The following CNTNAP2 variants were observed in gnomAD, a reference collection of about 807,000 sequenced individuals.
CNTNAP2 encodes the protein contactin associated protein 2.
A neutral mutation model predicts 155.2 loss-of-function variants in CNTNAP2; 98 were observed. That is an observed-to-expected ratio of 0.63 (90% CI 0.54 to 0.75). The LOEUF is 0.75. CNTNAP2 is among the 30% of genes least tolerant of loss of function. CNTNAP2 has a pLI of 0.00. For missense variants in CNTNAP2, 1,727 were observed against 1,688.1 expected (o/e 1.02, Z -0.40); for synonymous variants, 651 against 631.2 (o/e 1.03, Z -0.47).
rs149200640 is a variant in CNTNAP2, at chr7:146,831,453, G to A, written c.209-8258G>A. On this transcript the variant is annotated intron_variant, in intron 2 of 23. Coordinates refer to ENST00000361727, the MANE Select transcript of CNTNAP2 (RefSeq NM_014141.6). The stretch of plus-strand genomic sequence containing the variant: ...TGCACTTTGGGAAGCCGAGGTGGGC[G>A]GATCATGAGGTCGAGAGATCGAGAC... 4.5e-3 allele frequency among the ~76,000 whole-genome samples: 682 copies of A among 151,954 alleles called. 3 individuals are homozygous for A. The highest frequency in any genetic ancestry group is 7.5e-3 in the Non-Finnish European group (512 of 67,948).
At chr7:147,533,912 C>A (rs1222692130) in intron 11 of CNTNAP2, among the ~76,000 whole-genome samples, 1 of 152,176 alleles carries the variant, frequency 6.6e-6, no homozygotes, top group Non-Finnish European at 1.5e-5. Context: ...TAGTATTAAA[C>A]CGTTTCATTC....
At chr7:146,748,144 T>C (rs978071895) in intron 1 of CNTNAP2, among the ~76,000 whole-genome samples, 2 of 46,908 alleles carry the variant, frequency 4.3e-5, no homozygotes, top group Non-Finnish European at 6.7e-5. Flanking sequence ...TTTTCTTTTC[T>C]TTTTTTTTTT....
intron 9 of CNTNAP2, among the ~76,000 whole-genome samples, chr7:147,337,513 A>G (rs564614233): frequency 2.6e-5 from 4 of 152,310 alleles, no homozygotes; most frequent in African/African-American, 9.6e-5. Flanking sequence ...CCTGTCCTGC[A>G]GTGCTGTGTG....
chr7:146,509,008 G>A (rs986162237), intron 1 of CNTNAP2, among the ~76,000 whole-genome samples: 7 of 152,124 alleles, frequency 4.6e-5, no homozygotes, highest in Admixed American at 1.3e-4. Flanking sequence ...CCTCATGTAT[G>A]CAGCACCCTG....
In CNTNAP2 at chr7:147,775,285, ATATATATATT is replaced by A. The variant is rs1421429537; in HGVS notation, c.2099-128265_2099-128256del. ...AATATATTTATATATATATTTATAA[ATATATATATT>A]TATATATATTTATAAATATATATAT... On this transcript the variant is annotated intron_variant, in intron 13 of 23. Transcript: ENST00000361727. Among the ~76,000 whole-genome samples, 12 of 53,394 alleles carry A rather than the reference ATATATATATT, an allele frequency of 2.2e-4. No homozygotes were observed. In the East Asian group the frequency reaches 2.3e-3, roughly 10 times the overall value. The allele number at this position is 53,394 out of a possible 152,430, so 35.0% of individuals were successfully genotyped here.
chr7:148,270,803 G>T (rs1796763435), intron 21 of CNTNAP2, among the ~76,000 whole-genome samples: 1 of 152,174 alleles, frequency 6.6e-6, no homozygotes, highest in South Asian at 2.1e-4. Flanking sequence ...TTGTTAGACT[G>T]GAATCCAGTT....
intron 8 of CNTNAP2, among the ~76,000 whole-genome samples, chr7:147,233,930 T>A (rs1376603091): frequency 6.6e-6 from 1 of 151,950 alleles, no homozygotes; most frequent in Non-Finnish European, 1.5e-5. Context: ...TTATTACATC[T>A]CTTTGTAATT....
At chr7:146,628,662 G>C (rs1799460816) in intron 1 of CNTNAP2, among the ~76,000 whole-genome samples, 1 of 151,954 alleles carries the variant, frequency 6.6e-6, no homozygotes, top group Admixed American at 6.6e-5. Flanking sequence ...ATGAACCCTT[G>C]AGCACTTTAG....
At chr7:146,681,932 T>A (rs1800511935) in intron 1 of CNTNAP2, among the ~76,000 whole-genome samples, 1 of 152,108 alleles carries the variant, frequency 6.6e-6, no homozygotes, top group African/African-American at 2.4e-5. Context: ...CACATAGTAT[T>A]TCAGGTTAAT....
intron 3 of CNTNAP2, among the ~76,000 whole-genome samples, chr7:146,937,638 A>G (rs1796947396): frequency 6.6e-6 from 1 of 152,122 alleles, no homozygotes; most frequent in South Asian, 2.1e-4. Context: ...AGTACCTGAC[A>G]CCTGCCCTGG....
intron 9 of CNTNAP2, among the ~76,000 whole-genome samples, chr7:147,357,603 C>T (rs185191371): frequency 6.6e-6 from 1 of 152,182 alleles, no homozygotes; most frequent in East Asian, 1.9e-4. Context: ...TTAATTAGCA[C>T]CTGTTGACTA....
chr7:146,993,937 TA>T (rs1584771659), intron 3 of CNTNAP2, among the ~76,000 whole-genome samples: 1 of 152,282 alleles, frequency 6.6e-6, no homozygotes, highest in East Asian at 1.9e-4. Context: ...TGAACTGCTC[TA>T]AATCAAGTAA....
intron 1 of CNTNAP2, among the ~76,000 whole-genome samples, chr7:146,748,312 A>AT (rs1370598935): frequency 1.9e-4 from 24 of 123,560 alleles, no homozygotes; most frequent in Non-Finnish European, 1.0e-4. Context: ...CGCCCAGCTA[A>AT]TTTTTTGTAT....
chr7:147,865,390 TTTTTTG>T (rs1439734384), intron 13 of CNTNAP2, among the ~76,000 whole-genome samples: 1 of 152,168 alleles, frequency 6.6e-6, no homozygotes, highest in Non-Finnish European at 1.5e-5. Context: ...AAAATTCTCT[TTTTTTG>T]TTGTCTCTCT....
At chr7:147,218,691 G>C (rs866376730) in intron 8 of CNTNAP2, among the ~76,000 whole-genome samples, 1 of 152,008 alleles carries the variant, frequency 6.6e-6, no homozygotes, top group African/African-American at 2.4e-5. Context: ...TGAGAAGAAT[G>C]TGTATTCTGT....
intron 1 of CNTNAP2, among the ~76,000 whole-genome samples, chr7:146,610,987 G>T (rs538146881): frequency 1.5e-4 from 23 of 152,254 alleles, no homozygotes; most frequent in African/African-American, 5.5e-4. Flanking sequence ...TTTAAAACAA[G>T]CTAAAAGAGC....
intron 1 of CNTNAP2, among the ~76,000 whole-genome samples, chr7:146,413,551 C>G (rs1795896284): frequency 6.6e-6 from 1 of 152,192 alleles, no homozygotes; most frequent in South Asian, 2.1e-4. Context: ...AAAACAGTTA[C>G]ACATCTGATC....
intron 22 of CNTNAP2, among the ~76,000 whole-genome samples, chr7:148,385,624 T>C (rs1325894233): frequency 2.0e-5 from 3 of 152,170 alleles, no homozygotes; most frequent in Non-Finnish European, 4.4e-5. Flanking sequence ...ATGAGTTTTA[T>C]GTATTATTAC....
rs201124095 is a variant in CNTNAP2 at position 148,238,415 on chromosome 7, C to T, written c.3381+8636C>T. Reference sequence around the variant, plus strand: ...ACAAGAGACATGATCTTCTCTAGAACCCAGCTAACCAGACCCCGTTTCCCC... The same window carrying T: ...ACAAGAGACATGATCTTCTCTAGAATCCAGCTAACCAGACCCCGTTTCCCC... On this transcript the variant is annotated intron_variant, in intron 20 of 23. Transcript: ENST00000361727. Among the ~76,000 whole-genome samples, 34 of 152,310 alleles carry T rather than the reference C, an allele frequency of 2.2e-4. No homozygotes were observed. In the East Asian group the frequency reaches 6.0e-3, roughly 27 times the overall value.
Sources: gnomAD v4.1 joint callset for allele counts (sites outside exome capture counted in the v4.1 genomes callset) on GRCh38, gnomAD v4.1.1 for gene constraint, MANE v1.5 for transcripts, NCBI Gene and HGNC (gene_info 2026-07-23, HGNC 2026-07-21) for gene names.